CAMTA1: variants seen among roughly 807,000 people sequenced by gnomAD.
CAMTA1 encodes calmodulin binding transcription activator 1.
Under a neutral mutation model 170.9 loss-of-function variants are expected in CAMTA1, and 27 were observed. That is an observed-to-expected ratio of 0.16 (90% confidence interval 0.12 to 0.22). The LOEUF (loss-of-function observed/expected upper bound fraction) is 0.22, where lower values mean the gene tolerates loss of function less well. Ranked by LOEUF, CAMTA1 falls within the 10% of genes least tolerant of loss-of-function variation. CAMTA1 has a pLI of 1.00. For missense variants in CAMTA1, 1,619 were observed against 2,217.2 expected, an observed-to-expected ratio of 0.73 and a Z score of 5.42; for synonymous variants, 833 against 891.5, an observed-to-expected ratio of 0.93 and a Z score of 1.17.
chr1:6,846,727 C>T (rs1012220131), intron 3 of CAMTA1, among the ~76,000 whole-genome samples: 3 of 151,990 alleles, frequency 2.0e-5, no homozygotes, highest in Admixed American at 2.0e-4. Flanking sequence ...GCTAGACAGA[C>T]AAGGATGGAT....
chr1:7,488,488 A>G (rs1224247491), intron 6 of CAMTA1, among the ~76,000 whole-genome samples: 1 of 152,118 alleles, frequency 6.6e-6, no homozygotes, highest in Non-Finnish European at 1.5e-5. Flanking sequence ...TCACACACAC[A>G]CAATACACAC....
intron 3 of CAMTA1, among the ~76,000 whole-genome samples, chr1:6,963,376 CCT>C (rs2149536034): frequency 6.7e-6 from 1 of 149,992 alleles, no homozygotes; most frequent in South Asian, 2.1e-4. Context: ...TGGAGCCACC[CCT>C]CTTTCCAATC....
intron 5 of CAMTA1, among the ~76,000 whole-genome samples, chr1:7,316,151 A>G (rs1470636731): frequency 6.6e-6 from 1 of 152,156 alleles, no homozygotes; most frequent in Non-Finnish European, 1.5e-5. Context: ...GCGGTGATCC[A>G]ATTACCTCCC....
chr1:7,087,871 C>T (rs528819168), intron 3 of CAMTA1, among the ~76,000 whole-genome samples: 1 of 152,378 alleles, frequency 6.6e-6, no homozygotes, highest in East Asian at 1.9e-4. Flanking sequence ...ATGGCTTTTA[C>T]ATGGCTCCAT....
intron 5 of CAMTA1, among the ~76,000 whole-genome samples, chr1:7,428,268 C>T (rs895837995): frequency 2.6e-5 from 4 of 152,082 alleles, no homozygotes; most frequent in Non-Finnish European, 5.9e-5. Flanking sequence ...GGGAAGACCT[C>T]GTCGGGCGAA....
intron 3 of CAMTA1, among the ~76,000 whole-genome samples, chr1:7,040,889 C>T (rs1191996899): frequency 2.0e-5 from 3 of 152,152 alleles, no homozygotes; most frequent in Admixed American, 6.5e-5. Context: ...CCATACCCAG[C>T]TAATCTTTGT....
At chr1:7,523,536 A>G (rs920127253) in intron 6 of CAMTA1, among the ~76,000 whole-genome samples, 1 of 152,176 alleles carries the variant, frequency 6.6e-6, no homozygotes, top group Non-Finnish European at 1.5e-5. Context: ...GCATGTTGTC[A>G]TTTTCAGTAT....
At chr1:7,564,255 G>A (rs2095003986) in intron 6 of CAMTA1, among the ~76,000 whole-genome samples, 1 of 152,172 alleles carries the variant, frequency 6.6e-6, no homozygotes, top group African/African-American at 2.4e-5. Context: ...GGCTTCTAAG[G>A]CAAGAGTCTC....
chr1:6,950,302 C>T (rs1688261850), intron 3 of CAMTA1, among the ~76,000 whole-genome samples: 1 of 152,230 alleles, frequency 6.6e-6, no homozygotes, highest in African/African-American at 2.4e-5. Context: ...TGCAACATCA[C>T]AGCAGCCTCT....
intron 5 of CAMTA1, among the ~76,000 whole-genome samples, chr1:7,459,509 C>T (rs574168207): frequency 1.3e-5 from 2 of 152,282 alleles, no homozygotes; most frequent in South Asian, 2.1e-4. Context: ...TTGAGGAGCA[C>T]CTACTTCTTC....
intron 2 of CAMTA1, among the ~76,000 whole-genome samples, chr1:6,824,585 CTTATAT>C (rs1355735152): frequency 6.6e-6 from 1 of 152,056 alleles, no homozygotes; most frequent in Non-Finnish European, 1.5e-5. Flanking sequence ...GCTTAAATCC[CTTATAT>C]TTATAAGATT....
chr1:7,026,773 A>T (rs2101030517), intron 3 of CAMTA1, among the ~76,000 whole-genome samples: 1 of 151,816 alleles, frequency 6.6e-6, no homozygotes, highest in East Asian at 1.9e-4. Context: ...TGGGACTACA[A>T]GCACGTGCCA....
At chr1:7,512,213 T>G (rs2094210552) in intron 6 of CAMTA1, among the ~76,000 whole-genome samples, 1 of 152,190 alleles carries the variant, frequency 6.6e-6, no homozygotes, top group South Asian at 2.1e-4. Context: ...ATGCCAAAGA[T>G]AAAGCAGAGA....
intron 3 of CAMTA1, among the ~76,000 whole-genome samples, chr1:6,845,137 A>G (rs1187685767): frequency 6.6e-6 from 1 of 152,206 alleles, no homozygotes; most frequent in Non-Finnish European, 1.5e-5. Context: ...AGCAGCTGCT[A>G]GAACGGGACC....
At chr1:7,346,279 C>T (rs923485618) in intron 5 of CAMTA1, among the ~76,000 whole-genome samples, 2 of 152,192 alleles carry the variant, frequency 1.3e-5, no homozygotes, top group African/African-American at 4.8e-5. Context: ...GTTTCTCTCC[C>T]TCTCTGATCC....
chr1:6,943,502 C>T (rs983651038), intron 3 of CAMTA1, among the ~76,000 whole-genome samples: 2 of 152,168 alleles, frequency 1.3e-5, no homozygotes, highest in African/African-American at 4.8e-5. Flanking sequence ...CTTCTCAACA[C>T]GGCGGCCAGG....
intron 5 of CAMTA1, among the ~76,000 whole-genome samples, chr1:7,257,069 C>T (rs929728625): frequency 1.2e-4 from 13 of 104,792 alleles, no homozygotes; most frequent in Middle Eastern, 5.2e-3. Context: ...CACATACCAT[C>T]GCATGGCGGG....
At chr1:7,501,092 C>A (rs1750851) in intron 6 of CAMTA1, among the ~76,000 whole-genome samples, 1 of 151,900 alleles carries the variant, frequency 6.6e-6, no homozygotes, top group African/African-American at 2.4e-5. Context: ...CGCCACCCCT[C>A]GTCCTTGACA....
At chr1:7,500,733 G>C (rs1015288976) in intron 6 of CAMTA1, among the ~76,000 whole-genome samples, 3 of 152,160 alleles carry the variant, frequency 2.0e-5, no homozygotes, top group African/African-American at 7.2e-5. Context: ...CAGATGGAGG[G>C]AGGGCCGGTG....
Sources: allele counts gnomAD v4.1 joint callset (sites outside exome capture counted in the v4.1 genomes callset), GRCh38; gene constraint gnomAD v4.1.1; transcripts MANE v1.5; gene names NCBI Gene and HGNC (gene_info 2026-07-23, HGNC 2026-07-21).